Variants in TTLL2 observed in about 807,000 individuals in gnomAD.
TTLL2 encodes the protein probable tubulin polyglutamylase TTLL2.
In TTLL2, 10 loss-of-function variants were observed where a neutral mutation model predicts 7.5. The ratio of observed to expected loss-of-function variants is 1.33; its 90% CI spans 0.82 to 2.25. TTLL2 has a LOEUF of 2.25. Ranked by LOEUF, TTLL2 falls within the 30% of genes most tolerant of loss-of-function variation. TTLL2 has a pLI of 0.00. For synonymous variants in TTLL2, 284 were observed against 280.3 expected (o/e 1.01, Z -0.13); for missense variants, 733 against 735.7 (o/e 1.00, Z 0.04).
chr6:167,330,362 A>T (rs1051060812), intron 1 of TTLL2, among the ~76,000 whole-genome samples: 1 of 152,124 alleles, frequency 6.6e-6, no homozygotes, highest in Non-Finnish European at 1.5e-5. Context: ...GTTTGAGACC[A>T]GCCTGACCGA....
chr6:167,337,487 C>T (rs1779002804), intron 1 of TTLL2, among the ~76,000 whole-genome samples: 1 of 152,188 alleles, frequency 6.6e-6, no homozygotes, highest in South Asian at 2.1e-4. Context: ...CCAGGGGAGG[C>T]AGGGCTCAGG....
chr6:167,341,401 A>T lies in TTLL2; in HGVS notation c.1501A>T (p.Thr501Ser), dbSNP rs1398343050. The T allele has an allele frequency of 1.9e-6, 3 of 1,613,830 alleles. No homozygotes were observed. The highest frequency in any genetic ancestry group is 2.5e-6 in the Non-Finnish European group (3 of 1,180,046). ...EMSGQDFHLSTREMPQSKPKL... is the reference protein window; with the variant it reads ...EMSGQDFHLSSREMPQSKPKL... ...GAGTGGGCAGGATTTTCATCTGTCA[A>T]CAAGGGAGATGCCACAAAGCAAGCC... The change falls in exon 3 of 3, where the codon ACA becomes TCA. Residue 501 changes from threonine to serine, a missense_variant. Thr to Ser is a moderately conservative substitution (Grantham distance 58). Transcript: ENST00000239587.
At chr6:167,338,108 A>T (rs1402452208) in intron 1 of TTLL2, among the ~76,000 whole-genome samples, 1 of 151,992 alleles carries the variant, frequency 6.6e-6, no homozygotes, top group East Asian at 1.9e-4. Context: ...CATGCAACAC[A>T]CGACACACAT....
Position 167,340,684 on chromosome 6 carries a change from G to T in TTLL2, c.784G>T (p.Val262Phe), listed in dbSNP as rs183665803. The T allele has an allele frequency of 1.2e-6, 2 of 1,614,198 alleles. No homozygotes were observed. Among genetic ancestry groups the T allele is most frequent in the African/African-American group, 1.3e-5 (1 of 75,042 alleles). The change falls in exon 3 of 3, where the codon GTT (valine) becomes TTT (phenylalanine). Residue 262 changes from valine (V) to phenylalanine (F), a missense_variant. Physicochemically the swap from Val to Phe is conservative, Grantham distance 50 (BLOSUM62 -1). Coordinates refer to ENST00000239587, the MANE Select transcript of TTLL2 (RefSeq NM_031949.5). The part of the protein sequence containing the change: ...YKCDLRIYVC[V>F]TGFKPLTIYV... Reference sequence around the variant, plus strand: ...ATGTGATCTCCGCATCTATGTTTGTGTTACTGGCTTTAAGCCTTTGACCAT... The same window carrying T: ...ATGTGATCTCCGCATCTATGTTTGTTTTACTGGCTTTAAGCCTTTGACCAT...
chr6:167,328,952 C>G (rs2115208928), intron 1 of TTLL2, among the ~76,000 whole-genome samples: 1 of 152,250 alleles, frequency 6.6e-6, no homozygotes, highest in African/African-American at 2.4e-5. Flanking sequence ...GGGAATAGCT[C>G]AGATGTACTC....
intron 2 of TTLL2, among the ~76,000 whole-genome samples, chr6:167,339,519 T>C (rs992952422): frequency 6.6e-6 from 1 of 152,222 alleles, no homozygotes. Flanking sequence ...TCTTTGTCAC[T>C]AATAACCACT....
intron 1 of TTLL2, among the ~76,000 whole-genome samples, chr6:167,329,361 C>G (rs946483606): frequency 1.3e-5 from 2 of 152,126 alleles, no homozygotes; most frequent in African/African-American, 2.4e-5. Flanking sequence ...CCTGAAAACC[C>G]AAATACAGTT....
rs6936639 is a variant in TTLL2 at position 167,340,505 on chromosome 6, T to C, written c.605T>C (p.Leu202Pro). Residue 202 changes from leucine to proline, a missense_variant, in exon 3 of 3, where the codon CTG becomes CCG. Leu to Pro is a moderately conservative substitution (Grantham distance 98). Coordinates refer to ENST00000239587, the MANE Select transcript of TTLL2 (RefSeq NM_031949.5). ...VAEYFQERQM[L>P]GTKHSYWICK... The stretch of plus-strand genomic sequence containing the variant: ...GAATACTTTCAGGAGAGGCAGATGC[T>C]GGGCACCAAGCATAGCTATTGGATT... 6,763 of 1,614,136 alleles carry C rather than the reference T, an allele frequency of 4.2e-3. 235 individuals are homozygous for C. In the African/African-American group the frequency reaches 0.076, roughly 18 times the overall value.
chr6:167,340,436 C>G lies in TTLL2; in HGVS notation c.536C>G (p.Pro179Arg), dbSNP rs1223503769. 6.2e-7 allele frequency: 1 copy of G among 1,614,138 alleles called. No individual in the cohort carries two copies. Among genetic ancestry groups the G allele is most frequent in the Admixed American group, 1.7e-5 (1 of 60,022 alleles). ...MYGTSLYQFIPLTFVMPNDYT... is the reference protein window; with the variant it reads ...MYGTSLYQFIRLTFVMPNDYT... ...GGCACTTCCCTGTACCAGTTCATCCCCCTGACGTTCGTCATGCCCAATGAC... is the reference window on the plus strand; with the variant it reads ...GGCACTTCCCTGTACCAGTTCATCCGCCTGACGTTCGTCATGCCCAATGAC... Residue 179 changes from proline to arginine, a missense_variant, in exon 3 of 3, where the codon CCC (proline) becomes CGC (arginine). Transcript: ENST00000239587.
intron 1 of TTLL2, among the ~76,000 whole-genome samples, chr6:167,332,453 AGT>A (rs1199079895): frequency 6.6e-6 from 1 of 152,136 alleles, no homozygotes; most frequent in East Asian, 1.9e-4. Context: ...TGAACTTTAA[AGT>A]AGTTTTTTCC....
At chr6:167,331,701 A>C (rs571386943) in intron 1 of TTLL2, among the ~76,000 whole-genome samples, 77 of 152,254 alleles carry the variant, frequency 5.1e-4, no homozygotes, top group African/African-American at 1.7e-3. Context: ...TTGAAACCCC[A>C]ACTTAGGAGT....
rs148512515 is a variant in TTLL2 at position 167,325,701 on chromosome 6, C to T, written c.47+481C>T. On this transcript the variant is annotated intron_variant, in intron 1 of 2. Transcript: ENST00000239587. Reference sequence around the variant, plus strand: ...CACATGGTTGTAATTCAGGGCCGAGCAGAATTGTTTCCATAGGATAAGTGT... The same window carrying T: ...CACATGGTTGTAATTCAGGGCCGAGTAGAATTGTTTCCATAGGATAAGTGT... Among the ~76,000 whole-genome samples the T allele has an allele frequency of 1.5e-3, 229 of 152,220 alleles. 2 individuals are homozygous for T. Among genetic ancestry groups the T allele is most frequent in the African/African-American group, 5.3e-3 (220 of 41,492 alleles).
chr6:167,336,566 C>T (rs1778985669), intron 1 of TTLL2, among the ~76,000 whole-genome samples: 2 of 151,974 alleles, frequency 1.3e-5, no homozygotes, highest in Admixed American at 1.3e-4. Context: ...GGACTTTGTC[C>T]CCCTCAGCAC....
intron 1 of TTLL2, 88 bp downstream of exon 1, chr6:167,325,308 G>A (rs756915866): frequency 1.2e-5 from 16 of 1,344,514 alleles, no homozygotes; most frequent in Non-Finnish European, 1.5e-5. Context: ...GAGCACAGGG[G>A]CCAGGGTCAC....
chr6:167,331,512 T>G (rs530072554), intron 1 of TTLL2, among the ~76,000 whole-genome samples: 2 of 152,356 alleles, frequency 1.3e-5, no homozygotes, highest in South Asian at 4.1e-4. Context: ...CATGCGGTGT[T>G]TAACTTTCTG....
chr6:167,332,499 G>C (rs1778931860), intron 1 of TTLL2, among the ~76,000 whole-genome samples: 1 of 151,830 alleles, frequency 6.6e-6, no homozygotes, highest in Non-Finnish European at 1.5e-5. Context: ...TAGCTTGATG[G>C]GGATGGCATT....
Position 167,340,929 on chromosome 6 carries a change from G to C in TTLL2, c.1029G>C (p.Lys343Asn). The C allele has an allele frequency of 6.2e-7, 1 of 1,614,088 alleles. No individual in the cohort carries two copies. Among genetic ancestry groups the C allele is most frequent in the Non-Finnish European group, 8.5e-7 (1 of 1,180,010 alleles). ...SWDVDDLLLWKKIHRMVILTI... is the reference protein window; with the variant it reads ...SWDVDDLLLWNKIHRMVILTI... ...ATGTGGACGATCTGCTTTTGTGGAA[G>C]AAAATCCACCGCATGGTTATTCTCA... The change falls in exon 3 of 3, where the codon AAG (lysine) becomes AAC (asparagine). Residue 343 changes from lysine to asparagine, a missense_variant. By Grantham distance (94) the Lys-to-Asn change is moderately conservative. Transcript: ENST00000239587.
rs1779092187 is a variant in TTLL2 at position 167,341,306 on chromosome 6, ACT to A, written c.1409_1410del (p.Ser470CysfsTer11). 12 of 1,613,430 alleles carry A rather than the reference ACT, an allele frequency of 7.4e-6. No individual in the cohort carries two copies. Among genetic ancestry groups the A allele is most frequent in the Non-Finnish European group, 1.0e-5 (12 of 1,179,916 alleles). On this transcript the variant is annotated frameshift_variant, in exon 3 of 3. Coordinates refer to ENST00000239587, the MANE Select transcript of TTLL2 (RefSeq NM_031949.5). LOFTEE classifies it low-confidence loss of function (END_TRUNC). ...ACAAGCAGAATGTACAACGAGGATGACTCTGTGGTGGAGAAAGCTGTGAGTGT... is the reference window on the plus strand; with the variant it reads ...ACAAGCAGAATGTACAACGAGGATGACTGTGGTGGAGAAAGCTGTGAGTGT...
Position 167,340,705 on chromosome 6 carries a change from A to C in TTLL2, c.805A>C (p.Thr269Pro). The C allele has an allele frequency of 2.5e-6, 4 of 1,614,144 alleles. No individual in the cohort carries two copies. Among genetic ancestry groups the C allele is most frequent in the Non-Finnish European group, 3.4e-6 (4 of 1,180,034 alleles). ...TTGTGTTACTGGCTTTAAGCCTTTG[A>C]CCATTTATGTTTATCAGGAAGGGTT... is the stretch of plus-strand genomic sequence containing the variant. ...YVCVTGFKPL[T>P]IYVYQEGLVR... The change falls in exon 3 of 3, where the codon ACC becomes CCC. Residue 269 changes from threonine (T) to proline (P), a missense_variant. Coordinates refer to ENST00000239587, the MANE Select transcript of TTLL2 (RefSeq NM_031949.5).
Sources: gnomAD v4.1 joint callset for allele counts (sites outside exome capture counted in the v4.1 genomes callset) on GRCh38, gnomAD v4.1.1 for gene constraint, MANE v1.5 for transcripts, NCBI Gene and HGNC (gene_info 2026-07-23, HGNC 2026-07-21) for gene names.